Variants in MSRA observed in about 807,000 individuals in gnomAD.
The protein encoded by MSRA is methionine sulfoxide reductase A, also known as mitochondrial peptide methionine sulfoxide reductase.
MSRA carries 54 observed loss-of-function variants against 31.3 expected under a neutral mutation model. The ratio of observed to expected loss-of-function variants is 1.73; its 90% CI spans 1.39 to 2.17. MSRA has a LOEUF of 2.17. MSRA is among the 30% of genes most tolerant of loss of function. The probability of loss-of-function intolerance (pLI) is 0.00; values close to 1 mark genes in which losing one functional copy is unlikely to be tolerated. For synonymous variants in MSRA, 169 were observed against 116.5 expected (o/e 1.45, Z -2.90); for missense variants, 507 against 300.9 (o/e 1.69, Z -5.07).
chr8:10,230,110 G>A (rs1811339967), intron 2 of MSRA, among the ~76,000 whole-genome samples: 2 of 152,354 alleles, frequency 1.3e-5, no homozygotes, highest in South Asian at 2.1e-4. Flanking sequence ...TGCAATGCAT[G>A]CTGTGCTATG....
chr8:10,073,570 C>T (rs371760845), intron 1 of MSRA, among the ~76,000 whole-genome samples: 2 of 142,174 alleles, frequency 1.4e-5, no homozygotes, highest in Non-Finnish European at 3.1e-5. Flanking sequence ...TTCTTTTTTT[C>T]CAAGTTCTTC....
At chr8:10,216,180 T>C (rs1809971679) in intron 2 of MSRA, among the ~76,000 whole-genome samples, 1 of 152,170 alleles carries the variant, frequency 6.6e-6, no homozygotes, top group Admixed American at 6.5e-5. Flanking sequence ...TGTTATAAAA[T>C]GGATTAAAGG....
intron 3 of MSRA, among the ~76,000 whole-genome samples, chr8:10,279,007 T>C (rs1429666130): frequency 6.6e-6 from 1 of 152,134 alleles, no homozygotes; most frequent in African/African-American, 2.4e-5. Context: ...GAAAAAAAAT[T>C]GCCCCGTGAT....
chr8:10,395,599 C>T (rs1337583277), intron 5 of MSRA, among the ~76,000 whole-genome samples: 3 of 152,132 alleles, frequency 2.0e-5, no homozygotes, highest in Non-Finnish European at 4.4e-5. Context: ...GAAGTCCAGG[C>T]AGCATCATGA....
intron 3 of MSRA, among the ~76,000 whole-genome samples, chr8:10,260,270 G>A (rs1798404941): frequency 6.6e-6 from 1 of 152,196 alleles, no homozygotes; most frequent in African/African-American, 2.4e-5. Context: ...CACATGACAA[G>A]TATGCAAGAG....
At chr8:10,195,291 A>G (rs1398992487) in intron 1 of MSRA, among the ~76,000 whole-genome samples, 4 of 152,228 alleles carry the variant, frequency 2.6e-5, no homozygotes, top group African/African-American at 9.6e-5. Context: ...CCCAGGCTTC[A>G]GTGCAGTGGC....
At chr8:10,240,433 C>G (rs560412004) in intron 2 of MSRA, among the ~76,000 whole-genome samples, 1 of 152,338 alleles carries the variant, frequency 6.6e-6, no homozygotes, top group African/African-American at 2.4e-5. Context: ...AAGACACTGG[C>G]TGGCATCCCC....
chr8:10,240,030 C>T (rs1812273731), intron 2 of MSRA, among the ~76,000 whole-genome samples: 1 of 152,172 alleles, frequency 6.6e-6, no homozygotes, highest in African/African-American at 2.4e-5. Context: ...GGGCTCACTG[C>T]TGCATTTTCC....
At chr8:10,132,507 G>T (rs1563133006) in intron 1 of MSRA, among the ~76,000 whole-genome samples, 2 of 152,118 alleles carry the variant, frequency 1.3e-5, no homozygotes, top group South Asian at 4.2e-4. Flanking sequence ...CAAGATCAAG[G>T]CACTGGCAGA....
chr8:10,251,426 G>A (rs1797910642), intron 3 of MSRA, among the ~76,000 whole-genome samples: 2 of 152,090 alleles, frequency 1.3e-5, no homozygotes, highest in African/African-American at 2.4e-5. Flanking sequence ...TCATTTCAAT[G>A]TCAGTCAAGG....
chr8:10,230,715 G>A (rs1171918466), intron 2 of MSRA, among the ~76,000 whole-genome samples: 1 of 152,182 alleles, frequency 6.6e-6, no homozygotes, highest in South Asian at 2.1e-4. Flanking sequence ...AAAATCACCT[G>A]TAATCTTAGT....
At chr8:10,233,489 A>G (rs79224951) in intron 2 of MSRA, among the ~76,000 whole-genome samples, 5,404 of 152,368 alleles carry the variant, frequency 0.035, 122 homozygotes, top group East Asian at 0.075. Context: ...AAACTATGAC[A>G]GAAAATAGGC....
At chr8:10,321,921 G>A (rs374256729) in intron 5 of MSRA, among the ~76,000 whole-genome samples, 2 of 152,338 alleles carry the variant, frequency 1.3e-5, no homozygotes, top group East Asian at 3.9e-4. Context: ...GAAGCTGTGA[G>A]ATAATAAATG....
chr8:10,421,935 C>T (rs921327174), intron 5 of MSRA, among the ~76,000 whole-genome samples: 1 of 152,186 alleles, frequency 6.6e-6, no homozygotes, highest in African/African-American at 2.4e-5. Context: ...GGCTAGCTTT[C>T]ACCCCTGGGT....
At chr8:10,276,245 T>A (rs1051511485) in intron 3 of MSRA, among the ~76,000 whole-genome samples, 1 of 152,242 alleles carries the variant, frequency 6.6e-6, no homozygotes, top group South Asian at 2.1e-4. Flanking sequence ...TGTTTGGGGC[T>A]CAGTGGCCGA....
In MSRA at chr8:10,054,544, C is replaced by T; in HGVS notation, c.28C>T (p.Gln10Ter). ...GCTCTCGGCCACCCGGAGGGCTTGC[C>T]AGCTCCTCCTCCTCCACAGCCTCTT... MLSATRRAC[Q>*]LLLLHSLFPV... is the part of the protein sequence containing the mutation. Residue 10 changes from glutamine to a stop codon, truncating the protein, a stop_gained, in exon 1 of 6, where the codon CAG becomes TAG. Coordinates refer to ENST00000317173, the MANE Select transcript of MSRA (RefSeq NM_012331.5). LOFTEE classifies it high-confidence loss of function. 6.3e-7 allele frequency: 1 copy of T among 1,586,812 alleles called. No individual in the cohort carries two copies. The highest frequency in any genetic ancestry group is 8.6e-7 in the Non-Finnish European group (1 of 1,167,086).
At chr8:10,279,660 A>C (rs890189710) in intron 3 of MSRA, among the ~76,000 whole-genome samples, 5 of 152,238 alleles carry the variant, frequency 3.3e-5, no homozygotes, top group African/African-American at 7.2e-5. Context: ...TTGAGTATTA[A>C]CAGTTTCATT....
At chr8:10,292,553 C>A (rs1310210340) in intron 3 of MSRA, among the ~76,000 whole-genome samples, 1 of 152,256 alleles carries the variant, frequency 6.6e-6, no homozygotes, top group Non-Finnish European at 1.5e-5. Flanking sequence ...CTCTTCACAG[C>A]CACCCGGTGG....
chr8:10,113,909 A>G (rs539370616), intron 1 of MSRA, among the ~76,000 whole-genome samples: 4 of 152,352 alleles, frequency 2.6e-5, no homozygotes, highest in South Asian at 2.1e-4. Flanking sequence ...GTCTAATTAC[A>G]GAACATTTTT....
Sources: allele counts gnomAD v4.1 joint callset (sites outside exome capture counted in the v4.1 genomes callset), GRCh38; gene constraint gnomAD v4.1.1; transcripts MANE v1.5; gene names NCBI Gene and HGNC (gene_info 2026-07-23, HGNC 2026-07-21).